The following CNTN5 variants were observed in gnomAD, a reference collection of about 807,000 sequenced individuals.
CNTN5 encodes the protein contactin-5.
A neutral mutation model predicts 129.1 loss-of-function variants in CNTN5; 77 were observed. The observed-to-expected ratio is 0.60, with a 90% CI of 0.50 to 0.72. CNTN5 has a LOEUF of 0.72. Among genes scored for constraint, CNTN5 ranks in the 30% least tolerant of loss-of-function variants. CNTN5 has a pLI of 0.00. For missense variants in CNTN5, 1,478 were observed against 1,328.8 expected, an observed-to-expected ratio of 1.11 and a Z score of -1.75; for synonymous variants, 509 against 465.6, an observed-to-expected ratio of 1.09 and a Z score of -1.20.
chr11:99,674,714 A>G (rs1241668252), intron 3 of CNTN5, among the ~76,000 whole-genome samples: 2 of 152,166 alleles, frequency 1.3e-5, no homozygotes, highest in Non-Finnish European at 2.9e-5. Context: ...AAATAACCCC[A>G]CAAAAAATCC....
At chr11:100,075,692 T>C (rs544950899) in intron 13 of CNTN5, among the ~76,000 whole-genome samples, 197 of 152,284 alleles carry the variant, frequency 1.3e-3, no homozygotes, top group African/African-American at 4.3e-3. Context: ...ACAAATCACC[T>C]GTCACATGAG....
intron 3 of CNTN5, among the ~76,000 whole-genome samples, chr11:99,622,846 A>G (rs1237617464): frequency 1.3e-5 from 2 of 151,482 alleles, no homozygotes; most frequent in Non-Finnish European, 3.0e-5. Context: ...TGAAAAAAAA[A>G]GTGCCAAGTG....
At chr11:100,283,033 C>T (rs1051724395) in intron 18 of CNTN5, among the ~76,000 whole-genome samples, 1 of 152,194 alleles carries the variant, frequency 6.6e-6, no homozygotes. Flanking sequence ...GTCAAAGAGT[C>T]AACTCCTGGG....
intron 2 of CNTN5, among the ~76,000 whole-genome samples, chr11:99,358,749 A>C (rs529460251): frequency 6.6e-6 from 1 of 152,248 alleles, no homozygotes; most frequent in Non-Finnish European, 1.5e-5. Flanking sequence ...TAGATTATAT[A>C]TGGCTACATA....
intron 13 of CNTN5, among the ~76,000 whole-genome samples, chr11:100,088,208 T>A (rs953025531): frequency 1.3e-5 from 2 of 151,580 alleles, no homozygotes; most frequent in African/African-American, 4.8e-5. Flanking sequence ...CAAACCAGAA[T>A]ATCAAGAAAA....
At chr11:99,161,773 T>C (rs10892829) in intron 1 of CNTN5, among the ~76,000 whole-genome samples, 1 of 152,028 alleles carries the variant, frequency 6.6e-6, no homozygotes, top group Non-Finnish European at 1.5e-5. Flanking sequence ...GAAACCATTG[T>C]AGGTAGCAAA....
At chr11:100,307,909 T>C (rs1951389622) in intron 20 of CNTN5, among the ~76,000 whole-genome samples, 1 of 151,694 alleles carries the variant, frequency 6.6e-6, no homozygotes, top group African/African-American at 2.4e-5. Context: ...ATTATAGTCA[T>C]GTTATAGATG....
chr11:99,183,474 A>G (rs747451092), intron 1 of CNTN5, among the ~76,000 whole-genome samples: 7 of 152,114 alleles, frequency 4.6e-5, no homozygotes, highest in Non-Finnish European at 1.0e-4. Context: ...AACCCATGGT[A>G]CATTGGTCAC....
At chr11:99,723,107 AT>A (rs1485424882) in intron 3 of CNTN5, among the ~76,000 whole-genome samples, 2 of 151,826 alleles carry the variant, frequency 1.3e-5, no homozygotes, top group Non-Finnish European at 2.9e-5. Context: ...ACCTATTGTT[AT>A]TTCTATGCTC....
rs779054818 is a variant in CNTN5, at chr11:99,858,670, GTT to G, written c.577+13414_577+13415del. ...ATTTAGTGATATTGTGTTTTCGAGA[GTT>G]TTTTTAAAGTTATTTCTTAAGATGT... is the stretch of plus-strand genomic sequence containing the variant. On this transcript the variant is annotated intron_variant, in intron 6 of 24. Coordinates refer to ENST00000524871, the MANE Select transcript of CNTN5 (RefSeq NM_014361.4). Among the ~76,000 whole-genome samples, 3 of 149,928 alleles carry G rather than the reference GTT, an allele frequency of 2.0e-5. 1 individual carries two copies. Among genetic ancestry groups the G allele is most frequent in the East Asian group, 2.0e-4 (1 of 5,106 alleles).
chr11:100,328,848 C>A (rs1951842367), intron 21 of CNTN5, among the ~76,000 whole-genome samples: 1 of 152,170 alleles, frequency 6.6e-6, no homozygotes, highest in Non-Finnish European at 1.5e-5. Flanking sequence ...ATGGACAGAG[C>A]AGCATGTGAA....
intron 2 of CNTN5, among the ~76,000 whole-genome samples, chr11:99,335,465 T>C (rs910795061): frequency 1.3e-5 from 2 of 151,960 alleles, no homozygotes; most frequent in Admixed American, 6.6e-5. Context: ...CCTTTAGGCA[T>C]ACAATGAAAA....
intron 13 of CNTN5, among the ~76,000 whole-genome samples, chr11:100,095,970 A>G (rs1944996179): frequency 6.6e-6 from 1 of 152,084 alleles, no homozygotes; most frequent in South Asian, 2.1e-4. Flanking sequence ...AGAAACCATG[A>G]TATGTGCTGG....
At chr11:99,705,116 G>T (rs1430448722) in intron 3 of CNTN5, among the ~76,000 whole-genome samples, 1 of 151,324 alleles carries the variant, frequency 6.6e-6, no homozygotes, top group Non-Finnish European at 1.5e-5. Context: ...CTTTACAGCT[G>T]TCACCCAGAA....
At chr11:99,441,156 T>A (rs1943813548) in intron 2 of CNTN5, among the ~76,000 whole-genome samples, 1 of 152,132 alleles carries the variant, frequency 6.6e-6, no homozygotes. Context: ...TGAAGTTGTG[T>A]GAGCCTTGCA....
rs620371 is a variant in CNTN5, at chr11:99,713,030, C to A, written c.56-106514C>A. Among the ~76,000 whole-genome samples the A allele has an allele frequency of 2.6e-5, 4 of 151,980 alleles. No individual in the cohort carries two copies. The East Asian group carries it at 7.8e-4, about 30-fold the overall frequency. ...TGCCAATTCTGTGAAGAAAGTCAGC[C>A]GTAGTTTGATGGGGATAGCATTGAA... On this transcript the variant is annotated intron_variant, in intron 3 of 24. Transcript: ENST00000524871.
rs549975884 is a variant in CNTN5, at chr11:99,114,820, T to G, written c.-210+93550T>G. On this transcript the variant is annotated intron_variant, in intron 1 of 24. Transcript: ENST00000524871. ...TGTCATAAGTAGCAATACAGCTTAG[T>G]GAGTATCAAACAATCCGTGTTATAG... Among the ~76,000 whole-genome samples, 67 of 152,266 alleles carry G rather than the reference T, an allele frequency of 4.4e-4. 5 individuals are homozygous for G. The South Asian group carries it at 0.014, about 31-fold the overall frequency.
intron 1 of CNTN5, among the ~76,000 whole-genome samples, chr11:99,296,714 T>G (rs1046278120): frequency 6.6e-6 from 1 of 152,016 alleles, no homozygotes; most frequent in Non-Finnish European, 1.5e-5. Flanking sequence ...TCCCAGGGAG[T>G]CCAGGCTATT....
At chr11:100,081,312 T>C (rs1944356272) in intron 13 of CNTN5, among the ~76,000 whole-genome samples, 1 of 152,160 alleles carries the variant, frequency 6.6e-6, no homozygotes, top group East Asian at 1.9e-4. Flanking sequence ...CCGTTTCATA[T>C]AGAAATGAGC....
Sources: gnomAD v4.1 joint callset for allele counts (sites outside exome capture counted in the v4.1 genomes callset) on GRCh38, gnomAD v4.1.1 for gene constraint, MANE v1.5 for transcripts, NCBI Gene and HGNC (gene_info 2026-07-23, HGNC 2026-07-21) for gene names.